KCNQ1: variants seen among roughly 807,000 people sequenced by gnomAD.
The protein encoded by KCNQ1 is potassium voltage-gated channel subfamily KQT member 1.
A neutral mutation model predicts 72.4 loss-of-function variants in KCNQ1; 49 were observed. The observed-to-expected ratio is 0.68, with a 90% CI of 0.54 to 0.86. The LOEUF (loss-of-function observed/expected upper bound fraction) is 0.86. KCNQ1 is among the 40% of genes least tolerant of loss of function. KCNQ1 has a pLI of 0.00. For synonymous variants in KCNQ1, 450 were observed against 412.6 expected (o/e 1.09, Z -1.10); for missense variants, 790 against 945.1 (o/e 0.84, Z 2.15).
chr11:2,846,433 G>A (rs535155292), intron 15 of KCNQ1, among the ~76,000 whole-genome samples: 3 of 152,262 alleles, frequency 2.0e-5, no homozygotes, highest in Non-Finnish European at 4.4e-5. Context: ...CACAGAGCAC[G>A]CTGAGGGGCT....
chr11:2,692,763 A>G (rs1362856469), intron 11 of KCNQ1: 6 of 398,550 alleles, frequency 1.5e-5, no homozygotes, highest in Non-Finnish European at 2.7e-5. Flanking sequence ...GCCAGGGTCT[A>G]GTACCTGCTG....
intron 10 of KCNQ1, chr11:2,609,193 A>C (rs1421656790): frequency 7.5e-6 from 3 of 398,134 alleles, no homozygotes; most frequent in Admixed American, 8.8e-5. Context: ...ACTGCTTTAA[A>C]TGTATCCCAT....
chr11:2,617,037 G>A lies in KCNQ1; in HGVS notation c.1393+28183G>A, dbSNP rs953975565. 1 of 397,866 alleles carries A rather than the reference G, an allele frequency of 2.5e-6. No individual in the cohort carries two copies. The highest frequency in any genetic ancestry group is 4.4e-6 in the Non-Finnish European group (1 of 225,734). 24.6% of individuals were successfully genotyped at this position (397,866 alleles called of 1,614,324 possible). ...ACAGTTAAATCGTTAACATAGTGAT[G>A]CAAATTAATATGTCCATCATCTCAC... On this transcript the variant is annotated intron_variant, in intron 10 of 15. Transcript: ENST00000155840. This position sits in a 1 kb window ranked among gnomAD's most constrained non-coding sequence, Gnocchi z 4.6.
At position 2,679,209 on chromosome 11, in the gene KCNQ1, C is replaced by G. The variant is rs1393311626; in HGVS notation, c.1514+17128C>G. Reference sequence around the variant, plus strand: ...GCCACCTGTAACAATGCAGCCCCATCCATGTGAAGCTGGTCCAGAGGACTA... The same window carrying G: ...GCCACCTGTAACAATGCAGCCCCATGCATGTGAAGCTGGTCCAGAGGACTA... On this transcript the variant is annotated intron_variant, in intron 11 of 15. Coordinates refer to ENST00000155840, the MANE Select transcript of KCNQ1 (RefSeq NM_000218.3). This position sits in a 1 kb window ranked among gnomAD's most constrained non-coding sequence, Gnocchi z 4.8. The G allele has an allele frequency of 2.5e-6, 1 of 398,510 alleles. No homozygotes were observed. Among genetic ancestry groups the G allele is most frequent in the Non-Finnish European group, 4.4e-6 (1 of 226,092 alleles). The allele number at this position is 398,510 out of a possible 1,614,324, so 24.7% of individuals were successfully genotyped here.
intron 10 of KCNQ1, chr11:2,650,808 G>A (rs571092798): frequency 3.0e-5 from 12 of 398,650 alleles, no homozygotes; most frequent in African/African-American, 2.3e-4. Context: ...CATGGGTCAT[G>A]TGGTTTTATT....
At chr11:2,765,477 G>A (rs888016544) in intron 11 of KCNQ1, among the ~76,000 whole-genome samples, 7 of 152,200 alleles carry the variant, frequency 4.6e-5, no homozygotes, top group Non-Finnish European at 1.0e-4. Flanking sequence ...TCCAGTTGTA[G>A]GGAGCAGTGT....
intron 11 of KCNQ1, among the ~76,000 whole-genome samples, chr11:2,751,530 G>A (rs933833643): frequency 2.0e-5 from 3 of 152,262 alleles, no homozygotes; most frequent in Non-Finnish European, 2.9e-5. Flanking sequence ...GTGCAGCTCC[G>A]AAATGAGCAT....
At position 2,508,723 on chromosome 11, in the gene KCNQ1, A is replaced by G. The variant is rs570278879; in HGVS notation, c.387-19205A>G. ...TGGCAGTGACCACCTGGCTTCCTCTATAGAAACTCCCCGAATGGGAGGGAT... is the reference window on the plus strand; with the variant it reads ...TGGCAGTGACCACCTGGCTTCCTCTGTAGAAACTCCCCGAATGGGAGGGAT... On this transcript the variant is annotated intron_variant, in intron 1 of 15. Coordinates refer to ENST00000155840, the MANE Select transcript of KCNQ1 (RefSeq NM_000218.3). This position sits in a 1 kb window ranked among gnomAD's most constrained non-coding sequence, Gnocchi z 6.2. Among the ~76,000 whole-genome samples the G allele has an allele frequency of 2.0e-5, 3 of 152,300 alleles. No homozygotes were observed. The highest frequency in any genetic ancestry group is 7.2e-5 in the African/African-American group (3 of 41,568).
chr11:2,552,895 G>A (rs538920261), intron 2 of KCNQ1, among the ~76,000 whole-genome samples: 13 of 152,122 alleles, frequency 8.5e-5, no homozygotes, highest in East Asian at 3.9e-4. Flanking sequence ...CTTGCTCCCC[G>A]GTGTCTTAGA....
intron 1 of KCNQ1, among the ~76,000 whole-genome samples, chr11:2,490,513 C>T (rs900123448): frequency 6.6e-6 from 1 of 151,600 alleles, no homozygotes; most frequent in African/African-American, 2.4e-5. Flanking sequence ...CAGCACAGTC[C>T]CAGTGGTGGT....
In KCNQ1 at chr11:2,781,477, C is replaced by A. The variant is rs1319612129; in HGVS notation, c.1794+3440C>A. Reference sequence around the variant, plus strand: ...CTTCAGTGTGGGCCAGGGACCAATGCAGGCGGTCGGGAGAGGTCCGGAGAG... The same window carrying A: ...CTTCAGTGTGGGCCAGGGACCAATGAAGGCGGTCGGGAGAGGTCCGGAGAG... On this transcript the variant is annotated intron_variant, in intron 15 of 15. Coordinates refer to ENST00000155840, the MANE Select transcript of KCNQ1 (RefSeq NM_000218.3). This position sits in a 1 kb window ranked among gnomAD's most constrained non-coding sequence, Gnocchi z 6.6. 2.0e-5 allele frequency among the ~76,000 whole-genome samples: 3 copies of A among 152,220 alleles called. No homozygotes were observed. The highest frequency in any genetic ancestry group is 7.2e-5 in the African/African-American group (3 of 41,464).
rs16928533 is a variant in KCNQ1, at chr11:2,671,508, T to C, written c.1514+9427T>C. 5,714 of 398,544 alleles carry C rather than the reference T, an allele frequency of 0.014. 195 individuals carry two copies. Among genetic ancestry groups the C allele is most frequent in the East Asian group, 0.095 (2,675 of 28,048 alleles). 24.7% of individuals were successfully genotyped at this position (398,544 alleles called of 1,614,324 possible). A position where few individuals can be genotyped will look rare whatever the true frequency, so the allele number is the denominator to read the frequency against. On this transcript the variant is annotated intron_variant, in intron 11 of 15. Transcript: ENST00000155840. This position sits in a 1 kb window ranked among gnomAD's most constrained non-coding sequence, Gnocchi z 4.7. Reference sequence around the variant, plus strand: ...AGAAAGGGATTATTTTTAGGGCCAATTCAAGGGATTTTTCAAAGGTTAATT... The same window carrying C: ...AGAAAGGGATTATTTTTAGGGCCAACTCAAGGGATTTTTCAAAGGTTAATT...
rs139462786 is a variant in KCNQ1, at chr11:2,567,729, G to A, written c.478-2899G>A. Among the ~76,000 whole-genome samples the A allele has an allele frequency of 6.6e-6, 1 of 152,176 alleles. No homozygotes were observed. The highest frequency in any genetic ancestry group is 1.5e-5 in the Non-Finnish European group (1 of 68,006). On this transcript the variant is annotated intron_variant, in intron 2 of 15. Coordinates refer to ENST00000155840, the MANE Select transcript of KCNQ1 (RefSeq NM_000218.3). This position sits in a 1 kb window ranked among gnomAD's most constrained non-coding sequence, Gnocchi z 6.6. ...CTTCCCACATCCAGCTGGATTTGGGGATCAGTGTTGTTTTTAATCATTCCT... is the reference window on the plus strand; with the variant it reads ...CTTCCCACATCCAGCTGGATTTGGGAATCAGTGTTGTTTTTAATCATTCCT...
intron 1 of KCNQ1, among the ~76,000 whole-genome samples, chr11:2,490,486 T>C (rs1393713976): frequency 1.3e-5 from 2 of 152,192 alleles, no homozygotes; most frequent in Non-Finnish European, 2.9e-5. Flanking sequence ...CAGTGATGTG[T>C]TGGCTTCAGG....
rs140107712 is a variant in KCNQ1 at position 2,829,856 on chromosome 11, G to A, written c.1795-17911G>A. Among the ~76,000 whole-genome samples the A allele has an allele frequency of 2.7e-4, 41 of 151,170 alleles. No individual in the cohort carries two copies. In the East Asian group the frequency reaches 8.1e-3, roughly 30 times the overall value. On this transcript the variant is annotated intron_variant, in intron 15 of 15. Coordinates refer to ENST00000155840, the MANE Select transcript of KCNQ1 (RefSeq NM_000218.3). ...CTGTTTAAAGATGGGAGAGCTTCAC[G>A]GGTTTTCTCACTAAGGGTAAGAAAA... is the stretch of plus-strand genomic sequence containing the variant.
At chr11:2,496,033 C>A in intron 1 of KCNQ1, among the ~76,000 whole-genome samples, 1 of 152,192 alleles carries the variant, frequency 6.6e-6, no homozygotes, top group Non-Finnish European at 1.5e-5. Context: ...GTATTGGGTG[C>A]ATTTATTTAG....
chr11:2,582,476 T>G lies in KCNQ1; in HGVS notation c.922-959T>G, dbSNP rs138925677. On this transcript the variant is annotated intron_variant, in intron 6 of 15. Transcript: ENST00000155840. ...TGGGGGTCTCCATGTGGTTCCCAGCTGGGGCATTCCTGGGCCTGCAAGCGG... is the reference window on the plus strand; with the variant it reads ...TGGGGGTCTCCATGTGGTTCCCAGCGGGGGCATTCCTGGGCCTGCAAGCGG... Among the ~76,000 whole-genome samples the G allele has an allele frequency of 5.7e-3, 871 of 152,342 alleles. 13 individuals carry two copies. Among genetic ancestry groups the G allele is most frequent in the East Asian group, 0.017 (90 of 5,176 alleles).
rs543811648 is a variant in KCNQ1, at chr11:2,679,603, G to T, written c.1514+17522G>T. 2.5e-6 allele frequency: 1 copy of T among 398,470 alleles called. No individual in the cohort carries two copies. Among genetic ancestry groups the T allele is most frequent in the East Asian group, 3.6e-5 (1 of 28,090 alleles). The allele number at this position is 398,470 out of a possible 1,614,324, so 24.7% of individuals were successfully genotyped here. A position where few individuals can be genotyped will look rare whatever the true frequency, so the allele number is the denominator to read the frequency against. ...TGCCTGACAAAGCTGATGGGGAGGCGAGTTGGAATGAATAGTATCAGCATC... is the reference window on the plus strand; with the variant it reads ...TGCCTGACAAAGCTGATGGGGAGGCTAGTTGGAATGAATAGTATCAGCATC... On this transcript the variant is annotated intron_variant, in intron 11 of 15. Coordinates refer to ENST00000155840, the MANE Select transcript of KCNQ1 (RefSeq NM_000218.3). This position sits in a 1 kb window ranked among gnomAD's most constrained non-coding sequence, Gnocchi z 4.8.
At chr11:2,727,499 G>A (rs1008193998) in intron 11 of KCNQ1, among the ~76,000 whole-genome samples, 4 of 152,162 alleles carry the variant, frequency 2.6e-5, no homozygotes, top group African/African-American at 9.7e-5. Flanking sequence ...TAAAGAGGAG[G>A]AGGAGGTTGC....
Sources: allele counts gnomAD v4.1 joint callset (sites outside exome capture counted in the v4.1 genomes callset), GRCh38; gene constraint gnomAD v4.1.1; non-coding constraint Gnocchi (gnomAD v3.1); transcripts MANE v1.5; gene names NCBI Gene and HGNC (gene_info 2026-07-23, HGNC 2026-07-21).